Variants in LRRC4C observed in about 807,000 individuals in gnomAD.
LRRC4C encodes the protein leucine rich repeat containing 4C.
A neutral mutation model predicts 33.6 loss-of-function variants in LRRC4C; 5 were observed. The observed-to-expected ratio is 0.15, with a 90% CI of 0.08 to 0.31. The LOEUF is 0.31. Among genes scored for constraint, LRRC4C ranks in the 10% least tolerant of loss-of-function variants. The probability of loss-of-function intolerance (pLI) is 1.00; values close to 1 mark genes in which losing one functional copy is unlikely to be tolerated. For synonymous variants in LRRC4C, 329 were observed against 302.0 expected (o/e 1.09, Z -0.93); for missense variants, 560 against 796.7 (o/e 0.70, Z 3.58).
At chr11:40,951,504 A>G (rs972590258) in intron 1 of LRRC4C, among the ~76,000 whole-genome samples, 1 of 152,044 alleles carries the variant, frequency 6.6e-6, no homozygotes, top group African/African-American at 2.4e-5. Flanking sequence ...CAACAGTGTG[A>G]CTTTACACAC....
At chr11:41,179,395 G>A (rs574253210) in intron 1 of LRRC4C, among the ~76,000 whole-genome samples, 3 of 152,228 alleles carry the variant, frequency 2.0e-5, no homozygotes, top group African/African-American at 7.2e-5. Context: ...ACTTTCTAAT[G>A]GTCTTTCCAT....
rs371654889 is a variant in LRRC4C at position 41,022,586 on chromosome 11, A to T, written c.-495-88863T>A. 2.0e-4 allele frequency among the ~76,000 whole-genome samples: 31 copies of T among 152,078 alleles called. 1 individual carries two copies. In the East Asian group the frequency reaches 5.8e-3, roughly 29 times the overall value. On this transcript the variant is annotated intron_variant, in intron 1 of 6. Coordinates refer to ENST00000528697, the MANE Select transcript of LRRC4C (RefSeq NM_001258419.2). Reference sequence around the variant, plus strand: ...ATGTGCTAGTACCAGGAAGAAAAAAAAATCCTGATATAATAGTACACATCC... The same window carrying T: ...ATGTGCTAGTACCAGGAAGAAAAAATAATCCTGATATAATAGTACACATCC...
chr11:40,676,871 G>A (rs765867766), intron 2 of LRRC4C, among the ~76,000 whole-genome samples: 23 of 151,998 alleles, frequency 1.5e-4, no homozygotes, highest in Non-Finnish European at 2.6e-4. Context: ...CCAGTTTCTC[G>A]GGTATCGCTC....
chr11:40,224,372 C>T (rs1037507346), intron 5 of LRRC4C, among the ~76,000 whole-genome samples: 1 of 152,140 alleles, frequency 6.6e-6, no homozygotes, highest in African/African-American at 2.4e-5. Context: ...CTGTATATGC[C>T]CCAAATCCAA....
At chr11:40,936,690 A>G (rs1957918667) in intron 1 of LRRC4C, among the ~76,000 whole-genome samples, 1 of 152,162 alleles carries the variant, frequency 6.6e-6, no homozygotes, top group Non-Finnish European at 1.5e-5. Flanking sequence ...TTAACTGGTA[A>G]CATCATGTAT....
intron 2 of LRRC4C, among the ~76,000 whole-genome samples, chr11:40,762,474 G>A (rs548628670): frequency 1.3e-5 from 2 of 152,234 alleles, no homozygotes; most frequent in South Asian, 4.1e-4. Context: ...TAGTGTGATA[G>A]CCATGATGTA....
At chr11:40,239,152 C>T (rs1378684513) in intron 5 of LRRC4C, among the ~76,000 whole-genome samples, 1 of 152,170 alleles carries the variant, frequency 6.6e-6, no homozygotes, top group Non-Finnish European at 1.5e-5. Flanking sequence ...TCAAAGTCTT[C>T]TTCCTTTACA....
intron 1 of LRRC4C, among the ~76,000 whole-genome samples, chr11:41,102,345 CTT>C (rs549974159): frequency 1.6e-3 from 239 of 151,958 alleles, no homozygotes; most frequent in Non-Finnish European, 2.9e-3. Context: ...CTCTAGTACT[CTT>C]GTCTGGTGGC....
chr11:40,224,925 T>C (rs1158925549), intron 5 of LRRC4C, among the ~76,000 whole-genome samples: 1 of 152,160 alleles, frequency 6.6e-6, no homozygotes, highest in East Asian at 1.9e-4. Context: ...ACCCAAACAA[T>C]GTTAAACAAA....
chr11:41,171,522 G>A (rs1290622883), intron 1 of LRRC4C, among the ~76,000 whole-genome samples: 2 of 148,446 alleles, frequency 1.3e-5, no homozygotes, highest in East Asian at 2.1e-4. Flanking sequence ...AACACTGCAT[G>A]TTCTCACTCA....
chr11:40,570,187 G>C (rs937836286), intron 3 of LRRC4C, among the ~76,000 whole-genome samples: 1 of 152,080 alleles, frequency 6.6e-6, no homozygotes, highest in African/African-American at 2.4e-5. Context: ...TGTCTGAGTA[G>C]TGTAATTATA....
At chr11:40,532,819 T>C (rs1235436802) in intron 3 of LRRC4C, among the ~76,000 whole-genome samples, 1 of 152,118 alleles carries the variant, frequency 6.6e-6, no homozygotes, top group Non-Finnish European at 1.5e-5. Flanking sequence ...CTGGGTAATT[T>C]ACAAAGGAAA....
intron 4 of LRRC4C, among the ~76,000 whole-genome samples, chr11:40,249,723 G>A (rs1778538342): frequency 6.6e-6 from 1 of 151,864 alleles, no homozygotes; most frequent in South Asian, 2.1e-4. Flanking sequence ...TAATACTTAA[G>A]GTCTCTGTTC....
chr11:40,860,895 A>G (rs908448932), intron 2 of LRRC4C, among the ~76,000 whole-genome samples: 1 of 149,332 alleles, frequency 6.7e-6, no homozygotes, highest in African/African-American at 2.5e-5. Context: ...TGATGAAAAT[A>G]TTTTGGAACT....
At chr11:40,559,314 G>T (rs1198936416) in intron 3 of LRRC4C, among the ~76,000 whole-genome samples, 1 of 151,448 alleles carries the variant, frequency 6.6e-6, no homozygotes, top group Non-Finnish European at 1.5e-5. Flanking sequence ...CTCCTGAGTA[G>T]CTGGGACCAC....
intron 3 of LRRC4C, among the ~76,000 whole-genome samples, chr11:40,465,074 A>G (rs536892461): frequency 6.6e-6 from 1 of 152,174 alleles, no homozygotes; most frequent in East Asian, 1.9e-4. Flanking sequence ...CTACTAGAAT[A>G]TAGTAACTAA....
At chr11:40,955,626 T>G (rs982863036) in intron 1 of LRRC4C, among the ~76,000 whole-genome samples, 8 of 151,810 alleles carry the variant, frequency 5.3e-5, no homozygotes, top group Non-Finnish European at 1.0e-4. Flanking sequence ...TGTTTTTACC[T>G]ATATAATGTC....
intron 1 of LRRC4C, among the ~76,000 whole-genome samples, chr11:41,285,174 T>G (rs932694476): frequency 6.6e-6 from 1 of 152,148 alleles, no homozygotes; most frequent in Non-Finnish European, 1.5e-5. Context: ...AATAATTCAG[T>G]CTATCTTTCT....
intron 2 of LRRC4C, among the ~76,000 whole-genome samples, chr11:40,843,921 T>A (rs925804980): frequency 5.5e-4 from 83 of 152,178 alleles, no homozygotes; most frequent in African/African-American, 2.0e-3. Context: ...TAAGGAGCTT[T>A]ACATGGCTAG....
Sources: gnomAD v4.1 joint callset for allele counts (sites outside exome capture counted in the v4.1 genomes callset) on GRCh38, gnomAD v4.1.1 for gene constraint, MANE v1.5 for transcripts, NCBI Gene and HGNC (gene_info 2026-07-23, HGNC 2026-07-21) for gene names.